The following LRRC37A2 variants were observed in gnomAD, a reference collection of about 807,000 sequenced individuals.
The protein encoded by LRRC37A2 is leucine-rich repeat-containing protein 37A2.
A neutral mutation model predicts 68.8 loss-of-function variants in LRRC37A2; 9 were observed. The ratio of observed to expected loss-of-function variants is 0.13; its 90% CI spans 0.08 to 0.23. LRRC37A2 has a LOEUF of 0.23. Among genes scored for constraint, LRRC37A2 ranks in the 10% least tolerant of loss-of-function variants. The pLI is 1.00. For missense variants in LRRC37A2, 168 were observed against 950.4 expected (o/e 0.18, Z 10.82); for synonymous variants, 63 against 367.6 (o/e 0.17, Z 9.48).
chr17:46,823,637 G>T, the LRRC37A2 span, among the ~76,000 whole-genome samples: 1 of 151,964 alleles, frequency 6.6e-6, no homozygotes, highest in Non-Finnish European at 1.5e-5. Context: ...ACAGGGTTTC[G>T]CCATGTTAGC....
chr17:46,498,917 A>G, the LRRC37A2 span, among the ~76,000 whole-genome samples: 1 of 150,856 alleles, frequency 6.6e-6, no homozygotes, highest in Middle Eastern at 3.2e-3. Context: ...ATATATATGT[A>G]TATACATGTA....
the LRRC37A2 span, among the ~76,000 whole-genome samples, chr17:46,777,440 A>C: frequency 2.0e-5 from 3 of 152,174 alleles, no homozygotes; most frequent in Non-Finnish European, 2.9e-5. Flanking sequence ...GCAGCCCAGC[A>C]GAGCACCTGA....
chr17:46,966,469 T>C, the LRRC37A2 span: 1 of 645,210 alleles, frequency 1.5e-6, no homozygotes, highest in South Asian at 1.8e-5. Flanking sequence ...CATCTCAGCC[T>C]CCAGGGTAGT....
the LRRC37A2 span, among the ~76,000 whole-genome samples, chr17:46,785,338 C>T: frequency 6.6e-6 from 1 of 152,198 alleles, no homozygotes. Flanking sequence ...ACTAATGTCA[C>T]CGTGAGTGCA....
chr17:46,737,586 TGTG>T, the LRRC37A2 span, among the ~76,000 whole-genome samples: 1 of 151,714 alleles, frequency 6.6e-6, no homozygotes, highest in African/African-American at 2.4e-5. Flanking sequence ...TGTGTGTGTG[TGTG>T]TGTGTGTGTG....
At chr17:46,955,012 C>T in the LRRC37A2 span, among the ~76,000 whole-genome samples, 132 of 152,278 alleles carry the variant, frequency 8.7e-4, 1 homozygote, top group Middle Eastern at 0.027. Context: ...CCCTTTATTT[C>T]CTTCTGCCTG....
At chr17:46,907,847 C>A in the LRRC37A2 span, among the ~76,000 whole-genome samples, 5 of 151,286 alleles carry the variant, frequency 3.3e-5, no homozygotes, top group Admixed American at 3.3e-4. Flanking sequence ...CAGAGTGAGA[C>A]CCTGTCTTAA....
At chr17:46,907,878 A>G in the LRRC37A2 span, among the ~76,000 whole-genome samples, 1 of 151,486 alleles carries the variant, frequency 6.6e-6, no homozygotes, top group African/African-American at 2.4e-5. Context: ...TGTGTGCGCT[A>G]TTTTCTGAAA....
At chr17:47,015,986 C>T in the LRRC37A2 span, among the ~76,000 whole-genome samples, 1 of 151,852 alleles carries the variant, frequency 6.6e-6, no homozygotes, top group Non-Finnish European at 1.5e-5. Context: ...CTCTTGTTGC[C>T]CAGGCTGAAG....
At chr17:46,690,624 A>AATATAT in the LRRC37A2 span, among the ~76,000 whole-genome samples, 36 of 110,946 alleles carry the variant, frequency 3.2e-4, no homozygotes, top group African/African-American at 8.5e-4. Context: ...AAAAAAAAAA[A>AATATAT]ATATATATAT....
the LRRC37A2 span, among the ~76,000 whole-genome samples, chr17:47,014,843 C>T: frequency 6.6e-6 from 1 of 152,104 alleles, no homozygotes; most frequent in Admixed American, 6.5e-5. Flanking sequence ...ATCTCAATAT[C>T]TCCCACGTAT....
chr17:46,843,597 A>C, the LRRC37A2 span, among the ~76,000 whole-genome samples: 78 of 152,122 alleles, frequency 5.1e-4, no homozygotes, highest in African/African-American at 1.9e-3. Context: ...CAGTCGTTAA[A>C]TATGTGTCTT....
chr17:47,000,091 T>TAAAATAAAATAAAATAAAAATAA, the LRRC37A2 span, among the ~76,000 whole-genome samples: 16 of 62,604 alleles, frequency 2.6e-4, 1 homozygote, highest in East Asian at 6.8e-4. Context: ...TAAAATAAAA[T>TAAAATAAAATAAAATAAAAATAA]AAAATAAAAT....
the LRRC37A2 span, among the ~76,000 whole-genome samples, chr17:46,893,008 A>C: frequency 6.6e-6 from 1 of 151,306 alleles, no homozygotes; most frequent in Non-Finnish European, 1.5e-5. Context: ...CGATCTTGGC[A>C]CACTGCAACC....
the LRRC37A2 span, chr17:46,762,490 G>C: frequency 6.6e-6 from 1 of 151,714 alleles, no homozygotes; most frequent in Non-Finnish European, 1.5e-5. Flanking sequence ...ACTCCACACA[G>C]TGTACAATGT....
At chr17:46,974,506 G>A in the LRRC37A2 span, among the ~76,000 whole-genome samples, 8 of 152,142 alleles carry the variant, frequency 5.3e-5, no homozygotes, top group African/African-American at 1.4e-4. Context: ...AGGCCGAGGC[G>A]GGTGGATCAC....
the LRRC37A2 span, chr17:46,872,873 G>A: frequency 2.2e-6 from 3 of 1,380,950 alleles, no homozygotes; most frequent in Non-Finnish European, 2.9e-6. Context: ...TGGCTCCCGT[G>A]CCCAGGCCAC....
At chr17:46,688,344 C>CTAAAAA in the LRRC37A2 span, among the ~76,000 whole-genome samples, 2 of 148,416 alleles carry the variant, frequency 1.3e-5, no homozygotes, top group Admixed American at 6.7e-5. Flanking sequence ...GACCTTATCT[C>CTAAAAA]TAAAAATAAA....
chr17:46,787,576 G>T, the LRRC37A2 span, among the ~76,000 whole-genome samples: 1 of 152,202 alleles, frequency 6.6e-6, no homozygotes, highest in African/African-American at 2.4e-5. Context: ...ATAGCACGCA[G>T]ATCGTTCTTG....
Sources: gnomAD v4.1 joint callset for allele counts (sites outside exome capture counted in the v4.1 genomes callset) on GRCh38, gnomAD v4.1.1 for gene constraint, MANE v1.5 for transcripts, NCBI Gene and HGNC (gene_info 2026-07-23, HGNC 2026-07-21) for gene names.